Variants in LRRN4 observed in about 807,000 individuals in gnomAD.
LRRN4 encodes the protein leucine-rich repeat neuronal protein 4.
Under a neutral mutation model 22.3 loss-of-function variants are expected in LRRN4, and 26 were observed. The ratio of observed to expected loss-of-function variants is 1.16; its 90% confidence interval spans 0.85 to 1.62. The LOEUF (loss-of-function observed/expected upper bound fraction) is 1.62, where lower values mean the gene tolerates loss of function less well. Among genes scored for constraint, LRRN4 ranks in the 40% most tolerant of loss-of-function variants. LRRN4 has a pLI of 0.00. For missense variants in LRRN4, 1,070 were observed against 1,008.5 expected (o/e 1.06, Z -0.83); for synonymous variants, 496 against 486.2 (o/e 1.02, Z -0.26).
chr20:6,053,022 C>A (rs1343340608), intron 1 of LRRN4, among the ~76,000 whole-genome samples: 4 of 152,064 alleles, frequency 2.6e-5, no homozygotes, highest in Non-Finnish European at 5.9e-5. Flanking sequence ...ACGGTGATAC[C>A]CCCTGCTCTT....
In LRRN4 at chr20:6,042,128, A is replaced by AC; in HGVS notation, c.1116_1117insG (p.Ser373ValfsTer39). On this transcript the variant is annotated frameshift_variant, in exon 5 of 5. Coordinates refer to ENST00000378858, the MANE Select transcript of LRRN4 (RefSeq NM_152611.5). LOFTEE classifies it low-confidence loss of function (END_TRUNC). ...GAGCGGTTGAAGCAAGGTGGGTGTG[A>AC]AGCCCCGAGAGTGGTGCTTTGGTCG... The AC allele has an allele frequency of 6.2e-7, 1 of 1,614,122 alleles. No individual in the cohort carries two copies. Among genetic ancestry groups the AC allele is most frequent in the South Asian group, 1.1e-5 (1 of 91,086 alleles).
rs771652389 is a variant in LRRN4, at chr20:6,052,795, C to A, written c.5G>T (p.Arg2Leu). ...CAGCAGCAGCAGCGGTAGGGTTTGCCGCATGGCGTCTGGGGAGAGAACAGC... is the reference window on the plus strand; with the variant it reads ...CAGCAGCAGCAGCGGTAGGGTTTGCAGCATGGCGTCTGGGGAGAGAACAGC... Reference protein sequence around the residue: MRQTLPLLLLTV... With the variant: MLQTLPLLLLTV... The change falls in exon 2 of 5, where the codon CGG becomes CTG. Residue 2 changes from arginine to leucine, a missense_variant. Physicochemically the swap from Arg to Leu is moderately radical, Grantham distance 102. Coordinates refer to ENST00000378858, the MANE Select transcript of LRRN4 (RefSeq NM_152611.5). The A allele has an allele frequency of 6.4e-7, 1 of 1,566,234 alleles. No individual in the cohort carries two copies.
chr20:6,044,204 AC>A (rs1416130415), intron 4 of LRRN4, among the ~76,000 whole-genome samples: 1 of 152,126 alleles, frequency 6.6e-6, no homozygotes, highest in Non-Finnish European at 1.5e-5. Flanking sequence ...ATTCAGTAGA[AC>A]CCAGTGGTTA....
Position 6,042,066 on chromosome 20 carries a change from T to A in LRRN4, c.1179A>T (p.Ala393=). 1 of 1,613,980 alleles carries A rather than the reference T, an allele frequency of 6.2e-7. No homozygotes were observed. The highest frequency in any genetic ancestry group is 8.5e-7 in the Non-Finnish European group (1 of 1,179,946). ...YAQGTTVAPS[A]APATRPAGDQ... ...CTCCCGCAGGCCGGGTGGCGGGGGC[T>A]GCGCTGGGCGCGACGGTGGTACCCT... The change falls in exon 5 of 5, where the codon GCA becomes GCT. Residue 393 remains alanine (A), a synonymous_variant. Coordinates refer to ENST00000378858, the MANE Select transcript of LRRN4 (RefSeq NM_152611.5).
Position 6,052,501 on chromosome 20 carries a change from T to C in LRRN4, c.299A>G (p.Gln100Arg), listed in dbSNP as rs773765363. 15 of 1,580,636 alleles carry C rather than the reference T, an allele frequency of 9.5e-6. No individual in the cohort carries two copies. In the African/African-American group the frequency reaches 2.0e-4, roughly 21 times the overall value. Residue 100 changes from glutamine to arginine, a missense_variant, in exon 2 of 5, where the codon CAG becomes CGG. Coordinates refer to ENST00000378858, the MANE Select transcript of LRRN4 (RefSeq NM_152611.5). Reference protein sequence around the residue: ...LSTSELGHLEQLQVLTLRHNR... With the variant: ...LSTSELGHLERLQVLTLRHNR... ...GTGGCGCAGGGTCAGCACCTGCAGC[T>C]GCTCCAGGTGGCCGAGCTCGGAAGT...
chr20:6,048,684 T>C (rs1981167977), intron 3 of LRRN4, among the ~76,000 whole-genome samples: 1 of 152,224 alleles, frequency 6.6e-6, no homozygotes, highest in Admixed American at 6.5e-5. Flanking sequence ...GTTCGTGTTA[T>C]TATTACTGAA....
At chr20:6,049,842 G>A (rs951584387) in intron 3 of LRRN4, among the ~76,000 whole-genome samples, 54 of 151,460 alleles carry the variant, frequency 3.6e-4, no homozygotes, top group African/African-American at 1.2e-3. Flanking sequence ...CACTATCCTC[G>A]CATTATAATT....
In LRRN4 at chr20:6,041,189, C is replaced by T; in HGVS notation, c.2056G>A (p.Gly686Arg). 6.3e-7 allele frequency: 1 copy of T among 1,596,094 alleles called. No homozygotes were observed. The highest frequency in any genetic ancestry group is 8.5e-7 in the Non-Finnish European group (1 of 1,170,476). ...AACAGGCCGCTGGCGGCGCACAGCC[C>T]AGAGAGCAGGAGCGCGAAGCTGGGC... ...TKPSFALLLS[G>R]LCAASGLLLA... Residue 686 changes from glycine (G) to arginine (R), a missense_variant, in exon 5 of 5, where the codon GGG becomes AGG. Gly to Arg is a moderately radical substitution (Grantham distance 125, BLOSUM62 -2). Transcript: ENST00000378858. The surrounding 1 kb of genome is among the most constrained non-coding windows in gnomAD (Gnocchi z 9.4).
At position 6,052,182 on chromosome 20, in the gene LRRN4, G is replaced by A; in HGVS notation, c.618C>T (p.Leu206=). The change falls in exon 2 of 5, where the codon CTC becomes CTT. Residue 206 remains leucine, a synonymous_variant. Transcript: ENST00000378858. Reference sequence around the variant, plus strand: ...ACGTGCCGCTGAGATCCAGGACTTCGAGCGTGACCAGGGGCGCGCCATCCT... The same window carrying A: ...ACGTGCCGCTGAGATCCAGGACTTCAAGCGTGACCAGGGGCGCGCCATCCT... ...AGEDGAPLVT[L]EVLDLSGTFL... 1 of 1,598,690 alleles carries A rather than the reference G, an allele frequency of 6.3e-7. No homozygotes were observed. Among genetic ancestry groups the A allele is most frequent in the East Asian group, 2.3e-5 (1 of 44,108 alleles).
chr20:6,052,610 G>T lies in LRRN4; in HGVS notation c.190C>A (p.Arg64Ser). Residue 64 changes from arginine to serine, a missense_variant, in exon 2 of 5, where the codon CGC (arginine) becomes AGC (serine). Coordinates refer to ENST00000378858, the MANE Select transcript of LRRN4 (RefSeq NM_152611.5). ...ADATALTLAN[R>S]NLERLPGCLP... is the part of the protein sequence containing the mutation. ...CAGCCGGGCAGGCGCTCCAGGTTGC[G>T]GTTCGCCAGGGTCAAGGCCGTCGCA... 1.3e-6 allele frequency: 2 copies of T among 1,587,958 alleles called. No homozygotes were observed. The highest frequency in any genetic ancestry group is 1.3e-5 in the African/African-American group (1 of 74,792).
At position 6,041,931 on chromosome 20, in the gene LRRN4, T is replaced by C. The variant is rs571645310; in HGVS notation, c.1314A>G (p.Ala438=). The change falls in exon 5 of 5, where the codon GCA becomes GCG. Residue 438 remains alanine, a synonymous_variant. Transcript: ENST00000378858. The surrounding 1 kb of genome is among the most constrained non-coding windows in gnomAD (Gnocchi z 9.4). The stretch of plus-strand genomic sequence containing the variant: ...GGAAAACGCTGGAGTTGCTGTGACC[T>C]GCTACAGAGTTGGTCGTGGAGGGGG... ...GTAPSTTNSV[A]GHSNSSVFPR... The C allele has an allele frequency of 6.2e-7, 1 of 1,614,148 alleles. No individual in the cohort carries two copies. Among genetic ancestry groups the C allele is most frequent in the Non-Finnish European group, 8.5e-7 (1 of 1,180,012 alleles).
At chr20:6,046,885 G>C (rs568772541) in intron 3 of LRRN4, among the ~76,000 whole-genome samples, 1 of 150,486 alleles carries the variant, frequency 6.6e-6, no homozygotes, top group Non-Finnish European at 1.5e-5. Flanking sequence ...ATGTTAGAAT[G>C]AGAGTTCAAT....
chr20:6,053,077 C>G (rs1981306341), intron 1 of LRRN4, among the ~76,000 whole-genome samples: 2 of 152,140 alleles, frequency 1.3e-5, no homozygotes, highest in African/African-American at 2.4e-5. Flanking sequence ...AGAGGGAGGC[C>G]TTCTTCATCT....
Position 6,041,251 on chromosome 20 carries a change from G to C in LRRN4, c.1994C>G (p.Ser665Trp). 6.3e-7 allele frequency: 1 copy of C among 1,583,568 alleles called. No homozygotes were observed. Among genetic ancestry groups the C allele is most frequent in the Non-Finnish European group, 8.6e-7 (1 of 1,165,714 alleles). ...GGCGGCGCACGGGCTCCTCCAGCCC[G>C]AAGACCGTGGCTGGCTCAAGCCCGC... ...NRAGLSQPRS[S>W]GWRSPCAAFT... Residue 665 changes from serine (S) to tryptophan (W), a missense_variant, in exon 5 of 5, where the codon TCG (serine) becomes TGG (tryptophan). Coordinates refer to ENST00000378858, the MANE Select transcript of LRRN4 (RefSeq NM_152611.5). This position sits in a 1 kb window ranked among gnomAD's most constrained non-coding sequence, Gnocchi z 9.4.
At position 6,041,538 on chromosome 20, in the gene LRRN4, C is replaced by G. The variant is rs1980946600; in HGVS notation, c.1707G>C (p.Arg569=). ...TGTCTTCCCCGCTGAGGCCGGGGCA[C>G]CGGCACCGCCACCGCCTCTGCAGCT... ...CAELQRRWRC[R]CPGLSGEDTI... The change falls in exon 5 of 5, where the codon CGG becomes CGC. Residue 569 remains arginine (R), a synonymous_variant. Coordinates refer to ENST00000378858, the MANE Select transcript of LRRN4 (RefSeq NM_152611.5). This position sits in a 1 kb window ranked among gnomAD's most constrained non-coding sequence, Gnocchi z 9.4. The G allele has an allele frequency of 1.3e-6, 2 of 1,551,192 alleles. No homozygotes were observed. The highest frequency in any genetic ancestry group is 2.5e-5 in the South Asian group (2 of 80,608).
At chr20:6,050,695 G>A (rs1441314444) in intron 3 of LRRN4, 84 bp downstream of exon 3, 10 of 1,299,344 alleles carry the variant, frequency 7.7e-6, no homozygotes, top group Non-Finnish European at 1.0e-5. Context: ...GAAAAATTAA[G>A]GTCTGGTTTG....
chr20:6,050,123 G>A (rs1170277461), intron 3 of LRRN4, among the ~76,000 whole-genome samples: 1 of 152,164 alleles, frequency 6.6e-6, no homozygotes, highest in African/African-American at 2.4e-5. Context: ...TTGTATCCTG[G>A]CACTTTACAC....
At chr20:6,053,153 T>C (rs1234931782) in intron 1 of LRRN4, among the ~76,000 whole-genome samples, 2 of 152,122 alleles carry the variant, frequency 1.3e-5, no homozygotes, top group African/African-American at 4.8e-5. Flanking sequence ...TGTGAGCTTC[T>C]ACAGGAAAGG....
chr20:6,042,171 C>A lies in LRRN4; in HGVS notation c.1074G>T (p.Leu358=). 6.2e-7 allele frequency: 1 copy of A among 1,614,094 alleles called. No individual in the cohort carries two copies. Among genetic ancestry groups the A allele is most frequent in the Non-Finnish European group, 8.5e-7 (1 of 1,179,990 alleles). ...PFSASLSLSQ[L]PGVCQSDQST... is the part of the protein sequence containing the mutation. ...TTTGGTCGGACTGGCACACTCCGGG[C>A]AGCTGGGAGAGTGACAGGGAGGCTG... The change falls in exon 5 of 5, where the codon CTG becomes CTT. Residue 358 remains leucine (L), a synonymous_variant. Transcript: ENST00000378858.
Sources: allele counts gnomAD v4.1 joint callset (sites outside exome capture counted in the v4.1 genomes callset), GRCh38; gene constraint gnomAD v4.1.1; non-coding constraint Gnocchi (gnomAD v3.1); transcripts MANE v1.5; gene names NCBI Gene and HGNC (gene_info 2026-07-23, HGNC 2026-07-21).